Variants in TTC16 observed in about 807,000 individuals in gnomAD.
The protein encoded by TTC16 is tetratricopeptide repeat protein 16.
A neutral mutation model predicts 80.4 loss-of-function variants in TTC16; 66 were observed. That is an observed-to-expected ratio of 0.82 (90% CI 0.67 to 1.01). The LOEUF is 1.01. TTC16 is among the 50% of genes least tolerant of loss of function. The pLI, the probability that TTC16 is intolerant of heterozygous loss-of-function variation, is 0.00. For synonymous variants in TTC16, 438 were observed against 451.3 expected (o/e 0.97, Z 0.37); for missense variants, 1,070 against 1,103.2 (o/e 0.97, Z 0.43).
At chr9:127,727,757 T>A (rs1237625558) in intron 12 of TTC16, 1 of 365,056 alleles carries the variant, frequency 2.7e-6, no homozygotes, top group African/African-American at 2.1e-5. Flanking sequence ...TTGCCACTTG[T>A]GCCAGAATTT....
At chr9:127,724,629 C>T (rs927212572) in intron 8 of TTC16, 127 bp from the exon 9 acceptor site, 3 of 1,323,892 alleles carry the variant, frequency 2.3e-6, no homozygotes, top group Admixed American at 2.6e-5. Context: ...CTAGAGAGGA[C>T]GGAGACTGCG....
chr9:127,729,807 A>G, intron 13 of TTC16, 139 bp downstream of exon 13: 2 of 713,154 alleles, frequency 2.8e-6, no homozygotes, highest in Non-Finnish European at 4.8e-6. Flanking sequence ...GAGTGGCTCT[A>G]GAGCGGGAGT....
Position 127,717,336 on chromosome 9 carries a change from A to G in TTC16, c.194A>G (p.Tyr65Cys), listed in dbSNP as rs1452631877. ...GCCTGTCCCCACTTTCCCCACAGCTACTCCAGAGGCCAGCAGTGCTTGGAG... is the reference window on the plus strand; with the variant it reads ...GCCTGTCCCCACTTTCCCCACAGCTGCTCCAGAGGCCAGCAGTGCTTGGAG... The part of the protein sequence containing the change: ...LTVPLKVREY[Y>C]SRGQQCLEQA... The change falls in exon 3 of 14, where the codon TAC becomes TGC. Residue 65 changes from tyrosine to cysteine, a missense_variant and splice_region_variant. Transcript: ENST00000373289. 6.2e-7 allele frequency: 1 copy of G among 1,609,552 alleles called. No homozygotes were observed. The highest frequency in any genetic ancestry group is 2.2e-5 in the East Asian group (1 of 44,838).
chr9:127,729,515 C>A, intron 12 of TTC16, 66 bp from the exon 13 acceptor site: 1 of 1,369,568 alleles, frequency 7.3e-7, no homozygotes, highest in Non-Finnish European at 1.0e-6. Context: ...GGGCTGCTGG[C>A]CTTCTAGAGG....
intron 3 of TTC16, 65 bp from the exon 4 acceptor site, chr9:127,717,564 T>A: frequency 1.3e-6 from 2 of 1,591,390 alleles, no homozygotes; most frequent in African/African-American, 1.3e-5. Context: ...GGGTGGAGAC[T>A]TTCCCCTACC....
In TTC16 at chr9:127,726,344, C is replaced by T. The variant is rs138362819; in HGVS notation, c.1365C>T (p.Asn455=). Residue 455 remains asparagine, a synonymous_variant, in exon 10 of 14, where the codon AAC becomes AAT. Coordinates refer to ENST00000373289, the MANE Select transcript of TTC16 (RefSeq NM_144965.3). ...YRAKSRQLLQ[N]IFGARQDVAT... ...CCAAGAGCCGGCAGCTGCTGCAGAA[C>T]ATTTTTGGGGCCCGCCAGGATGTGG... 3,023 of 1,612,396 alleles carry T rather than the reference C, an allele frequency of 1.9e-3. 8 individuals carry two copies. The highest frequency in any genetic ancestry group is 2.0e-3 in the South Asian group (184 of 90,984).
intron 12 of TTC16, 174 bp downstream of exon 12, chr9:127,727,639 C>A: frequency 7.5e-7 from 1 of 1,331,666 alleles, no homozygotes; most frequent in Non-Finnish European, 9.8e-7. Context: ...ATGGTACCAG[C>A]AAGGGGTGCT....
intron 4 of TTC16, among the ~76,000 whole-genome samples, chr9:127,719,235 TAAAAAG>T (rs1469605340): frequency 1.3e-5 from 2 of 151,900 alleles, no homozygotes; most frequent in East Asian, 1.9e-4. Flanking sequence ...ATTCTGTTCT[TAAAAAG>T]AAACATTTGG....
At position 127,731,518 on chromosome 9, in the gene TTC16, C is replaced by T. The variant is rs902806167; in HGVS notation, c.*113C>T. On this transcript the variant is annotated 3_prime_UTR_variant, in exon 14 of 14. Transcript: ENST00000373289. Reference sequence around the variant, plus strand: ...CCAGAGCAATTAAAAGTCTTAGCAACAGTCCTCTGGTCCCACAGCTGAGTT... The same window carrying T: ...CCAGAGCAATTAAAAGTCTTAGCAATAGTCCTCTGGTCCCACAGCTGAGTT... 1.3e-6 allele frequency: 2 copies of T among 1,486,870 alleles called. No individual in the cohort carries two copies. The highest frequency in any genetic ancestry group is 1.8e-6 in the Non-Finnish European group (2 of 1,122,462). The allele number at this position is 1,486,870 out of a possible 1,614,324, so 92.1% of individuals were successfully genotyped here.
At chr9:127,719,042 C>T (rs1843258141) in intron 4 of TTC16, among the ~76,000 whole-genome samples, 1 of 151,558 alleles carries the variant, frequency 6.6e-6, no homozygotes, top group Non-Finnish European at 1.5e-5. Flanking sequence ...GAAACCTCAT[C>T]TCTACTAAAA....
chr9:127,726,327 C>A lies in TTC16; in HGVS notation c.1348C>A (p.Arg450=). The change falls in exon 10 of 14, where the codon CGG becomes AGG. Residue 450 remains arginine, a synonymous_variant. Transcript: ENST00000373289. ...AQYYLYRAKS[R]QLLQNIFGAR... ...GTACTACCTGTACCGGGCCAAGAGC[C>A]GGCAGCTGCTGCAGAACATTTTTGG... The A allele has an allele frequency of 1.2e-6, 2 of 1,612,404 alleles. No homozygotes were observed. Among genetic ancestry groups the A allele is most frequent in the East Asian group, 2.2e-5 (1 of 44,800 alleles).
In TTC16 at chr9:127,720,310, C is replaced by G. The variant is rs762845145; in HGVS notation, c.572C>G (p.Thr191Arg). ...LALKQHQACL[T>R]LITNELKQDT... ...CTCAAGCAGCATCAGGCCTGCCTCA[C>G]GCTCATCACCAACGAGCTGAAGCAG... Residue 191 changes from threonine (T) to arginine (R), a missense_variant, in exon 6 of 14, where the codon ACG (threonine) becomes AGG (arginine). By Grantham distance (71) the Thr-to-Arg change is moderately conservative. Transcript: ENST00000373289. 2 of 1,613,488 alleles carry G rather than the reference C, an allele frequency of 1.2e-6. No homozygotes were observed. The highest frequency in any genetic ancestry group is 1.7e-6 in the Non-Finnish European group (2 of 1,179,996).
intron 11 of TTC16, 21 bp downstream of exon 11, chr9:127,727,133 C>A (rs1174128729): frequency 1.3e-6 from 2 of 1,572,726 alleles, no homozygotes; most frequent in African/African-American, 2.7e-5. Context: ...GAGCAAGGGG[C>A]ACAGGCCAGG....
rs1844066501 is a variant in TTC16 at position 127,727,373 on chromosome 9, A to G, written c.1672A>G (p.Thr558Ala). Residue 558 changes from threonine (T) to alanine (A), a missense_variant, in exon 12 of 14, where the codon ACC (threonine) becomes GCC (alanine). Coordinates refer to ENST00000373289, the MANE Select transcript of TTC16 (RefSeq NM_144965.3). ...LIATSEELKA[T>A]PEIPQVKPGS... ...TGCGACCTCCGAGGAGCTGAAGGCC[A>G]CCCCTGAGATTCCGCAGGTAAAACC... 1 of 1,611,008 alleles carries G rather than the reference A, an allele frequency of 6.2e-7. No individual in the cohort carries two copies. Among genetic ancestry groups the G allele is most frequent in the Non-Finnish European group, 8.5e-7 (1 of 1,178,588 alleles).
chr9:127,725,003 G>A, intron 9 of TTC16, 106 bp downstream of exon 9: 3 of 1,336,836 alleles, frequency 2.2e-6, no homozygotes, highest in Non-Finnish European at 2.9e-6. Flanking sequence ...TTCTCTCCTC[G>A]GGGGCGATGG....
intron 9 of TTC16, among the ~76,000 whole-genome samples, chr9:127,725,347 A>T (rs1014506600): frequency 6.6e-6 from 1 of 150,724 alleles, no homozygotes; most frequent in Non-Finnish European, 1.5e-5. Flanking sequence ...GGCGGATCAC[A>T]AGGTCAGGAG....
chr9:127,729,890 C>G, intron 13 of TTC16: 1 of 563,910 alleles, frequency 1.8e-6, no homozygotes, highest in Non-Finnish European at 3.2e-6. Context: ...CTGCTCTGCT[C>G]TCATCCCCTC....
intron 8 of TTC16, 117 bp downstream of exon 8, chr9:127,724,481 G>A: frequency 7.3e-7 from 1 of 1,366,204 alleles, no homozygotes; most frequent in African/African-American, 1.5e-5. Flanking sequence ...GAGGAAGGAA[G>A]CAAGGGAAGA....
intron 1 of TTC16, 190 bp downstream of exon 1, chr9:127,716,353 G>A: frequency 1.2e-6 from 1 of 827,480 alleles, no homozygotes; most frequent in Non-Finnish European, 1.9e-6. Context: ...CTTGGACAGA[G>A]GTCTCTGGCT....
Sources: allele counts gnomAD v4.1 joint callset (sites outside exome capture counted in the v4.1 genomes callset), GRCh38; gene constraint gnomAD v4.1.1; transcripts MANE v1.5; gene names NCBI Gene and HGNC (gene_info 2026-07-23, HGNC 2026-07-21).